Variants in AGAP1 observed in about 807,000 individuals in gnomAD.
AGAP1 encodes the protein ArfGAP with GTPase domain, ankyrin repeat and PH domain 1.
AGAP1 carries 29 observed loss-of-function variants against 105.3 expected under a neutral mutation model. The observed-to-expected ratio is 0.28, with a 90% CI of 0.21 to 0.38. AGAP1 has a LOEUF of 0.38. Ranked by LOEUF, AGAP1 falls within the 10% of genes least tolerant of loss-of-function variation. AGAP1 has a pLI of 1.00. For missense variants in AGAP1, 998 were observed against 1,165.1 expected (o/e 0.86, Z 2.09); for synonymous variants, 509 against 485.9 (o/e 1.05, Z -0.63).
intron 3 of AGAP1, among the ~76,000 whole-genome samples, chr2:235,726,432 A>G (rs2149587300): frequency 6.6e-6 from 1 of 152,368 alleles, no homozygotes; most frequent in East Asian, 1.9e-4. Flanking sequence ...AGTTTCACGT[A>G]TGTAATTACA....
chr2:235,604,572 CTTTTTTTTTTTTT>C lies in AGAP1; in HGVS notation c.164-104591_164-104579del, dbSNP rs1166523228. Among the ~76,000 whole-genome samples, 656 of 69,704 alleles carry C rather than the reference CTTTTTTTTTTTTT, an allele frequency of 9.4e-3. 11 individuals carry two copies. The highest frequency in any genetic ancestry group is 0.043 in the African/African-American group (641 of 15,010). 45.7% of individuals were successfully genotyped at this position (69,704 alleles called of 152,430 possible). A position where few individuals can be genotyped will look rare whatever the true frequency, so the allele number is the denominator to read the frequency against. On this transcript the variant is annotated intron_variant, in intron 1 of 17. Transcript: ENST00000304032. ...CGTGTTTCTTTTTTATTTTTATTAT[CTTTTTTTTTTTTT>C]TTTTTTTTTTTTTTTGAGATGGAGT...
intron 6 of AGAP1, among the ~76,000 whole-genome samples, chr2:235,761,974 T>C (rs113519141): frequency 5.3e-5 from 8 of 152,058 alleles, no homozygotes; most frequent in African/African-American, 1.9e-4. Flanking sequence ...CCGGGTGTAA[T>C]GGTGCATGCC....
intron 1 of AGAP1, among the ~76,000 whole-genome samples, chr2:235,511,934 GTGTA>G (rs1051753727): frequency 8.6e-5 from 13 of 151,550 alleles, no homozygotes; most frequent in African/African-American, 2.4e-4. Context: ...ATGTGTGAAT[GTGTA>G]TGTGTGGGTG....
intron 12 of AGAP1, among the ~76,000 whole-genome samples, chr2:235,948,109 T>G (rs952452270): frequency 6.6e-6 from 1 of 150,508 alleles, no homozygotes; most frequent in African/African-American, 2.5e-5. Flanking sequence ...TTTTACCTGT[T>G]CCATTTCAGC....
chr2:235,850,152 G>A (rs1407007721), intron 9 of AGAP1, among the ~76,000 whole-genome samples: 1 of 152,208 alleles, frequency 6.6e-6, no homozygotes, highest in Non-Finnish European at 1.5e-5. Context: ...GCAAACCGTG[G>A]GTTAGTAACC....
In AGAP1 at chr2:235,983,688, C is replaced by G. The variant is rs539725501; in HGVS notation, c.1645+15065C>G. ...TGGTTAGATGTTTAAATACACACTTCCCATTGTGTTGCCACTGCCTACAGT... is the reference window on the plus strand; with the variant it reads ...TGGTTAGATGTTTAAATACACACTTGCCATTGTGTTGCCACTGCCTACAGT... On this transcript the variant is annotated intron_variant, in intron 13 of 17. Transcript: ENST00000304032. This position sits in a 1 kb window ranked among gnomAD's most constrained non-coding sequence, Gnocchi z 4.5. Among the ~76,000 whole-genome samples, 2 of 152,298 alleles carry G rather than the reference C, an allele frequency of 1.3e-5. No homozygotes were observed. The highest frequency in any genetic ancestry group is 4.2e-4 in the South Asian group (2 of 4,816).
At position 235,790,837 on chromosome 2, in the gene AGAP1, C is replaced by T. The variant is rs55658732; in HGVS notation, c.674-6922C>T. Among the ~76,000 whole-genome samples the T allele has an allele frequency of 8.5e-3, 1,299 of 152,294 alleles. 5 individuals are homozygous for T. Among genetic ancestry groups the T allele is most frequent in the Middle Eastern group, 0.02 (6 of 294 alleles). On this transcript the variant is annotated intron_variant, in intron 6 of 17. Coordinates refer to ENST00000304032, the MANE Select transcript of AGAP1 (RefSeq NM_001037131.3). Reference sequence around the variant, plus strand: ...AGCATTTCCAGAAGAGGTCCCAGCTCGGTGGAATTGGCCCATTGTCTTGGA... The same window carrying T: ...AGCATTTCCAGAAGAGGTCCCAGCTTGGTGGAATTGGCCCATTGTCTTGGA...
chr2:235,605,734 G>C (rs756401096), intron 1 of AGAP1, among the ~76,000 whole-genome samples: 1 of 152,178 alleles, frequency 6.6e-6, no homozygotes, highest in Non-Finnish European at 1.5e-5. Context: ...AGCTGTACCC[G>C]GTCAGCACAT....
chr2:235,692,016 C>CT lies in AGAP1; in HGVS notation c.164-17163_164-17162insT, dbSNP rs2149443913. 6.6e-6 allele frequency among the ~76,000 whole-genome samples: 1 copy of CT among 152,306 alleles called. No individual in the cohort carries two copies. Among genetic ancestry groups the CT allele is most frequent in the East Asian group, 1.9e-4 (1 of 5,184 alleles). ...GGTTATCTAGTTACTAGTGGTAAGA[C>CT]AGAGCCAGTTAACAAAGACTATAAA... On this transcript the variant is annotated intron_variant, in intron 1 of 17. Transcript: ENST00000304032. This position sits in a 1 kb window ranked among gnomAD's most constrained non-coding sequence, Gnocchi z 5.8.
intron 1 of AGAP1, among the ~76,000 whole-genome samples, chr2:235,558,086 G>A (rs909063904): frequency 2.6e-5 from 4 of 152,142 alleles, no homozygotes; most frequent in Non-Finnish European, 4.4e-5. Context: ...GCGGGATGGC[G>A]AGTAGGAGGC....
intron 12 of AGAP1, among the ~76,000 whole-genome samples, chr2:235,937,110 G>T (rs1322132814): frequency 1.3e-5 from 2 of 152,150 alleles, no homozygotes; most frequent in Admixed American, 6.5e-5. Context: ...ATCTTGGCTG[G>T]CATTCAAAAG....
rs1174310473 is a variant in AGAP1 at position 235,614,215 on chromosome 2, T to C, written c.164-94964T>C. 6.6e-6 allele frequency among the ~76,000 whole-genome samples: 1 copy of C among 152,134 alleles called. No individual in the cohort carries two copies. The highest frequency in any genetic ancestry group is 2.4e-5 in the African/African-American group (1 of 41,428). ...TGGAGTCTAGAAGGGATGGTGACATTGGCCAGAGTCACCCCATAATCATAC... is the reference window on the plus strand; with the variant it reads ...TGGAGTCTAGAAGGGATGGTGACATCGGCCAGAGTCACCCCATAATCATAC... On this transcript the variant is annotated intron_variant, in intron 1 of 17. Transcript: ENST00000304032. The surrounding 1 kb of genome is among the most constrained non-coding windows in gnomAD (Gnocchi z 4.7).
At chr2:235,499,327 C>A (rs1175856265) in intron 1 of AGAP1, among the ~76,000 whole-genome samples, 2 of 152,220 alleles carry the variant, frequency 1.3e-5, no homozygotes, top group Non-Finnish European at 2.9e-5. Flanking sequence ...TGTGGCAAAA[C>A]TTCCAGAAGC....
rs1243760487 is a variant in AGAP1, at chr2:236,036,865, C to T, written c.1800+150C>T. 1.2e-5 allele frequency: 15 copies of T among 1,271,726 alleles called. No individual in the cohort carries two copies. The highest frequency in any genetic ancestry group is 1.5e-5 in the African/African-American group (1 of 66,160). The allele number at this position is 1,271,726 out of a possible 1,614,324, so 78.8% of individuals were successfully genotyped here. ...TGAGCAGAAAGCTCAATAACTAAAA[C>T]GATCAGAAGCACTTTGTGTCTATAC... On this transcript the variant is annotated intron_variant, in intron 14 of 17. Coordinates refer to ENST00000304032, the MANE Select transcript of AGAP1 (RefSeq NM_001037131.3). The surrounding 1 kb of genome is among the most constrained non-coding windows in gnomAD (Gnocchi z 5.7).
chr2:235,564,225 C>T (rs935401337), intron 1 of AGAP1, among the ~76,000 whole-genome samples: 2 of 152,196 alleles, frequency 1.3e-5, no homozygotes, highest in Admixed American at 6.5e-5. Context: ...GGGTGACAGC[C>T]AGGATGCTTT....
chr2:236,048,876 A>G (rs560731245), intron 15 of AGAP1, among the ~76,000 whole-genome samples, 183 bp from the exon 16 acceptor site: 5 of 152,316 alleles, frequency 3.3e-5, no homozygotes, highest in Non-Finnish European at 5.9e-5. Flanking sequence ...GCTACTACCA[A>G]CGGCCAGTCA....
At chr2:236,041,923 G>A (rs943022176) in intron 15 of AGAP1, among the ~76,000 whole-genome samples, 5 of 152,146 alleles carry the variant, frequency 3.3e-5, no homozygotes, top group Admixed American at 1.3e-4. Flanking sequence ...GGAAGGGGCC[G>A]AAGGAATCAC....
At chr2:236,026,836 TAGG>T (rs2057071511) in intron 13 of AGAP1, among the ~76,000 whole-genome samples, 1 of 152,192 alleles carries the variant, frequency 6.6e-6, no homozygotes, top group Non-Finnish European at 1.5e-5. Flanking sequence ...GCATGAGGAA[TAGG>T]AGAAGATAAC....
chr2:235,647,263 A>G (rs2149316768), intron 1 of AGAP1, among the ~76,000 whole-genome samples: 1 of 151,952 alleles, frequency 6.6e-6, no homozygotes, highest in East Asian at 1.9e-4. Context: ...CATCTTAACA[A>G]TGTGATCACA....
Sources: allele counts gnomAD v4.1 joint callset (sites outside exome capture counted in the v4.1 genomes callset), GRCh38; gene constraint gnomAD v4.1.1; non-coding constraint Gnocchi (gnomAD v3.1); transcripts MANE v1.5; gene names NCBI Gene and HGNC (gene_info 2026-07-23, HGNC 2026-07-21).